The following ARHGEF33 variants were observed in gnomAD, a reference collection of about 807,000 sequenced individuals.
ARHGEF33 encodes DH and coiled-coil domain-containing protein ENSP00000381780.
In ARHGEF33, 72 loss-of-function variants were observed where a neutral mutation model predicts 101.9. The ratio of observed to expected loss-of-function variants is 0.71; its 90% CI spans 0.58 to 0.86. ARHGEF33 has a LOEUF of 0.86. ARHGEF33 is among the 40% of genes least tolerant of loss of function. The probability of loss-of-function intolerance (pLI) is 0.00; values close to 1 mark genes in which losing one functional copy is unlikely to be tolerated. For missense variants in ARHGEF33, 1,169 were observed against 1,111.3 expected (o/e 1.05, Z -0.74); for synonymous variants, 499 against 442.5 (o/e 1.13, Z -1.60).
In ARHGEF33 at chr2:38,945,781, G is replaced by A. The variant is rs187222111; in HGVS notation, c.920+1751G>A. ...AGAAAACTGTTTACTGTGGAAGGGA[G>A]TAGTAAGCAGCTGCTCTGCTAGGCA... is the stretch of plus-strand genomic sequence containing the variant. On this transcript the variant is annotated intron_variant, in intron 10 of 17. Transcript: ENST00000409978. Among the ~76,000 whole-genome samples the A allele has an allele frequency of 1.3e-3, 197 of 152,340 alleles. 5 individuals are homozygous for A. Among genetic ancestry groups the A allele is most frequent in the Non-Finnish European group, 5.1e-4 (35 of 68,028 alleles).
At chr2:38,955,288 G>A (rs1215921416) in intron 13 of ARHGEF33, among the ~76,000 whole-genome samples, 1 of 151,974 alleles carries the variant, frequency 6.6e-6, no homozygotes, top group East Asian at 1.9e-4. Context: ...GTGATATCCT[G>A]GAGGAAGAAG....
Position 38,891,247 on chromosome 2 carries a change from T to C in ARHGEF33, c.-159+1261T>C, listed in dbSNP as rs72913132. ...CCATGCTCGGCCTTATTGTTAACTT[T>C]TTCTTAATTCCCTTTATTTACCTTC... On this transcript the variant is annotated intron_variant, in intron 1 of 17. Transcript: ENST00000409978. Among the ~76,000 whole-genome samples the C allele has an allele frequency of 4.7e-3, 723 of 152,260 alleles. 3 individuals are homozygous for C. The highest frequency in any genetic ancestry group is 0.017 in the African/African-American group (686 of 41,554).
chr2:38,911,197 C>T (rs937528647), intron 2 of ARHGEF33, among the ~76,000 whole-genome samples: 28 of 152,086 alleles, frequency 1.8e-4, no homozygotes, highest in African/African-American at 4.3e-4. Context: ...ATTTTTTCTA[C>T]ACCACAAAGA....
At chr2:38,945,141 A>G (rs1054744114) in intron 10 of ARHGEF33, among the ~76,000 whole-genome samples, 1 of 152,222 alleles carries the variant, frequency 6.6e-6, no homozygotes, top group Admixed American at 6.5e-5. Flanking sequence ...ACTACTGTGG[A>G]CATATGTGGC....
intron 9 of ARHGEF33, among the ~76,000 whole-genome samples, chr2:38,939,162 A>G (rs962670797): frequency 4.6e-5 from 7 of 152,114 alleles, no homozygotes; most frequent in Non-Finnish European, 1.0e-4. Context: ...TAGTAGAGAC[A>G]GGGTTTTCAC....
In ARHGEF33 at chr2:38,937,068, C is replaced by A. The variant is rs1667156593; in HGVS notation, c.566-267C>A. 5.4e-5 allele frequency: 14 copies of A among 259,294 alleles called. 1 individual carries two copies. The South Asian group carries it at 6.5e-4, about 12-fold the overall frequency. 16.1% of individuals were successfully genotyped at this position (259,294 alleles called of 1,614,324 possible). The stretch of plus-strand genomic sequence containing the variant: ...GGAGTGCAATGGGGCGATCTCGGCT[C>A]ACTGCAACCTCTGCCTCCTGGGTTC... On this transcript the variant is annotated intron_variant, in intron 8 of 17. Coordinates refer to ENST00000409978, the MANE Select transcript of ARHGEF33 (RefSeq NM_001145451.5).
At position 38,960,600 on chromosome 2, in the gene ARHGEF33, C is replaced by G; in HGVS notation, c.2295C>G (p.Pro765=). The change falls in exon 16 of 18, where the codon CCC becomes CCG. Residue 765 remains proline, a synonymous_variant. Coordinates refer to ENST00000409978, the MANE Select transcript of ARHGEF33 (RefSeq NM_001145451.5). ...GCGGCGCATCCAGGACCTTCTTCCC[C>G]CAACAGAGGTCCCAAAGCGAAAAAC... The part of the protein sequence containing the change: ...AARGASRTFF[P]QQRSQSEKQT... 3.5e-6 allele frequency: 5 copies of G among 1,414,086 alleles called. No individual in the cohort carries two copies. The highest frequency in any genetic ancestry group is 1.3e-5 in the South Asian group (1 of 77,922). The allele number at this position is 1,414,086 out of a possible 1,614,324, so 87.6% of individuals were successfully genotyped here.
intron 15 of ARHGEF33, among the ~76,000 whole-genome samples, chr2:38,958,983 G>A (rs910472131): frequency 3.3e-5 from 5 of 152,234 alleles, no homozygotes; most frequent in Admixed American, 1.3e-4. Flanking sequence ...GACCTCAGGC[G>A]ATCCGTCTGC....
chr2:38,938,562 T>A (rs74803284), intron 9 of ARHGEF33, among the ~76,000 whole-genome samples: 2 of 151,694 alleles, frequency 1.3e-5, no homozygotes, highest in Non-Finnish European at 2.9e-5. Flanking sequence ...TTTTACACTA[T>A]TTTTTTTACT....
chr2:38,893,734 C>G (rs1326899067), intron 1 of ARHGEF33, among the ~76,000 whole-genome samples: 4 of 152,184 alleles, frequency 2.6e-5, no homozygotes, highest in African/African-American at 9.7e-5. Context: ...GTGGTATATG[C>G]TTATTAAATA....
At chr2:38,919,859 C>T (rs1666715823) in intron 3 of ARHGEF33, among the ~76,000 whole-genome samples, 1 of 152,230 alleles carries the variant, frequency 6.6e-6, no homozygotes, top group South Asian at 2.1e-4. Flanking sequence ...CTCCAATTTA[C>T]GGAAGAGGAA....
At chr2:38,906,753 G>A (rs1412384705) in intron 2 of ARHGEF33, among the ~76,000 whole-genome samples, 1 of 146,488 alleles carries the variant, frequency 6.8e-6, no homozygotes, top group Non-Finnish European at 1.5e-5. Flanking sequence ...AGGATCGCTC[G>A]AGCACAGGAG....
chr2:38,936,986 AAAGT>A (rs1204521946), intron 8 of ARHGEF33: 6 of 150,866 alleles, frequency 4.0e-5, no homozygotes, highest in African/African-American at 1.5e-4. Flanking sequence ...CAAAAAAAAA[AAAGT>A]AACAAACTTT....
intron 15 of ARHGEF33, 41 bp from the exon 16 acceptor site, chr2:38,959,800 C>T (rs1421881216): frequency 2.0e-6 from 3 of 1,491,860 alleles, no homozygotes; most frequent in East Asian, 2.5e-5. Flanking sequence ...CACTAACCGG[C>T]CGTAAGCACA....
chr2:38,959,170 C>T (rs879457247), intron 15 of ARHGEF33: 2 of 152,176 alleles, frequency 1.3e-5, no homozygotes, highest in Admixed American at 6.5e-5. Flanking sequence ...GTAAATTATC[C>T]ATTACCCATG....
At chr2:38,908,083 TTGAACTCC>T (rs1431348537) in intron 2 of ARHGEF33, among the ~76,000 whole-genome samples, 4 of 152,128 alleles carry the variant, frequency 2.6e-5, no homozygotes, top group Non-Finnish European at 4.4e-5. Flanking sequence ...CAGATTGGTC[TTGAACTCC>T]TGGGCTCAAA....
intron 16 of ARHGEF33, among the ~76,000 whole-genome samples, chr2:38,962,662 A>C (rs916104999): frequency 1.8e-4 from 28 of 152,180 alleles, no homozygotes; most frequent in African/African-American, 6.5e-4. Context: ...TCAAGCATGC[A>C]AAGTTCCCAT....
At chr2:38,906,500 G>C (rs976148796) in intron 2 of ARHGEF33, among the ~76,000 whole-genome samples, 3 of 152,174 alleles carry the variant, frequency 2.0e-5, no homozygotes, top group African/African-American at 7.2e-5. Context: ...GTACTAATTT[G>C]TGGGGTTCAG....
chr2:38,892,317 A>G (rs1424281181), intron 1 of ARHGEF33, among the ~76,000 whole-genome samples: 1 of 152,136 alleles, frequency 6.6e-6, no homozygotes, highest in Non-Finnish European at 1.5e-5. Context: ...GAAAATTCTT[A>G]TGCTCTCTAA....
Sources: gnomAD v4.1 joint callset for allele counts (sites outside exome capture counted in the v4.1 genomes callset) on GRCh38, gnomAD v4.1.1 for gene constraint, MANE v1.5 for transcripts, NCBI Gene and HGNC (gene_info 2026-07-23, HGNC 2026-07-21) for gene names.